Variants in NDUFA10 observed in about 807,000 individuals in gnomAD.
NDUFA10 encodes the protein NADH dehydrogenase [ubiquinone] 1 alpha subcomplex subunit 10, mitochondrial.
A neutral mutation model predicts 47.8 loss-of-function variants in NDUFA10; 40 were observed. That is an observed-to-expected ratio of 0.84 (90% CI 0.65 to 1.09). The LOEUF (loss-of-function observed/expected upper bound fraction) is 1.09. NDUFA10 is among the 50% of genes least tolerant of loss of function. NDUFA10 has a pLI of 0.00. For missense variants in NDUFA10, 413 were observed against 451.1 expected, an observed-to-expected ratio of 0.92 and a Z score of 0.76; for synonymous variants, 183 against 172.2, an observed-to-expected ratio of 1.06 and a Z score of -0.49.
At chr2:240,025,040 T>C (rs948172153) in intron 1 of NDUFA10, among the ~76,000 whole-genome samples, 187 bp downstream of exon 1, 4 of 152,198 alleles carry the variant, frequency 2.6e-5, no homozygotes, top group African/African-American at 9.6e-5. Flanking sequence ...GAGAAGCTCG[T>C]GGCCCCCTGA....
At position 239,898,983 on chromosome 2, in the gene NDUFA10, A is replaced by G. The variant is rs1243328574; in HGVS notation, c.295-3669T>C. ...TGGCAGGGTGTGATGAAGAGGTATG[A>G]TGGAGAGGTGTGATGGAGAGGTGTG... On this transcript the variant is annotated intron_variant, in intron 4 of 5. Coordinates refer to the NDUFA10 transcript ENST00000419408. Among the ~76,000 whole-genome samples the G allele has an allele frequency of 7.7e-5, 7 of 90,508 alleles. No individual in the cohort carries two copies. The East Asian group carries it at 2.5e-3, about 33-fold the overall frequency. The allele number at this position is 90,508 out of a possible 152,430, so 59.4% of individuals were successfully genotyped here. A position where few individuals can be genotyped will look rare whatever the true frequency, so the allele number is the denominator to read the frequency against.
intron 9 of NDUFA10, among the ~76,000 whole-genome samples, chr2:239,981,543 C>T (rs1019351200): frequency 1.3e-5 from 2 of 152,124 alleles, no homozygotes; most frequent in African/African-American, 4.8e-5. Flanking sequence ...TACAAAAACA[C>T]TAAAGTCAGA....
intron 9 of NDUFA10, among the ~76,000 whole-genome samples, chr2:239,965,052 T>C (rs1360575190): frequency 2.0e-5 from 3 of 152,188 alleles, no homozygotes; most frequent in African/African-American, 7.2e-5. Flanking sequence ...TTCACAGCAG[T>C]ACTGACAGAG....
intron 1 of NDUFA10, 116 bp downstream of exon 1, chr2:240,025,111 C>A: frequency 9.0e-7 from 1 of 1,107,978 alleles, no homozygotes; most frequent in Non-Finnish European, 1.2e-6. Context: ...CCAAACCCAC[C>A]CGGAGAGCGA....
intron 9 of NDUFA10, chr2:239,982,184 A>G (rs748264291): frequency 1.2e-6 from 2 of 1,612,774 alleles, no homozygotes; most frequent in Admixed American, 3.3e-5. Flanking sequence ...CCTCTCTTGT[A>G]CTCTGCACAG....
chr2:239,983,414 G>T (rs1295471486), intron 9 of NDUFA10: 1 of 1,451,990 alleles, frequency 6.9e-7, no homozygotes, highest in Non-Finnish European at 9.2e-7. Flanking sequence ...TCCAGAAATG[G>T]TCATTATTAT....
At chr2:239,981,856 C>A (rs1168528135) in intron 9 of NDUFA10, among the ~76,000 whole-genome samples, 2 of 151,694 alleles carry the variant, frequency 1.3e-5, no homozygotes, top group Non-Finnish European at 2.9e-5. Context: ...TATAGAAATT[C>A]TCATGTTAAT....
At chr2:239,940,834 G>A (rs115577013) in intron 4 of NDUFA10, among the ~76,000 whole-genome samples, 5,739 of 152,272 alleles carry the variant, frequency 0.038, 362 homozygotes, top group African/African-American at 0.13. Flanking sequence ...GAACATTCCC[G>A]TCTATATGAA....
In NDUFA10 at chr2:240,014,843, C is replaced by A. The variant is rs1559397087; in HGVS notation, c.565G>T (p.Glu189Ter). The A allele has an allele frequency of 6.2e-7, 1 of 1,614,098 alleles. No individual in the cohort carries two copies. The change falls in exon 5 of 10, where the codon GAG (glutamate) becomes TAG (stop). Residue 189 changes from glutamate to a stop codon, truncating the protein, a stop_gained. Coordinates refer to ENST00000252711, the MANE Select transcript of NDUFA10 (RefSeq NM_004544.4). LOFTEE classifies it high-confidence loss of function. ...IRKQCVDHYN[E>*]VKSVTICDYL... ...TCGCAGATGGTGACGCTCTTCACCT[C>A]GTTGTAGTGGTCCACACCTGGCACA...
chr2:240,002,925 T>C (rs7568089), intron 8 of NDUFA10, among the ~76,000 whole-genome samples: 17,980 of 152,114 alleles, frequency 0.12, 1,250 homozygotes, highest in South Asian at 0.16. Context: ...ACACAGCTCA[T>C]TGCAGCCTCA....
In NDUFA10 at chr2:240,014,796, C is replaced by G; in HGVS notation, c.612G>C (p.Val204=). The change falls in exon 5 of 10, where the codon GTG becomes GTC. Residue 204 remains valine (V), a synonymous_variant. Coordinates refer to ENST00000252711, the MANE Select transcript of NDUFA10 (RefSeq NM_004544.4). ...CTGGAACGGGCACATCGATGTAAAT[C>G]ACCAGGTGGGGGGGCAGGTAATCGC... The part of the protein sequence containing the change: ...TICDYLPPHL[V]IYIDVPVPEV... 2 of 1,614,198 alleles carry G rather than the reference C, an allele frequency of 1.2e-6. No individual in the cohort carries two copies. The highest frequency in any genetic ancestry group is 1.7e-6 in the Non-Finnish European group (2 of 1,180,030).
chr2:240,010,907 G>C (rs766281804), intron 6 of NDUFA10, among the ~76,000 whole-genome samples: 1 of 152,150 alleles, frequency 6.6e-6, no homozygotes, highest in Non-Finnish European at 1.5e-5. Context: ...ACAAGAACAT[G>C]AGATTTTTAG....
chr2:239,942,033 T>G (rs1694368314), intron 4 of NDUFA10, among the ~76,000 whole-genome samples: 1 of 152,262 alleles, frequency 6.6e-6, no homozygotes, highest in Non-Finnish European at 1.5e-5. Context: ...GGATTCTGCA[T>G]ATTGAAAGAT....
intron 4 of NDUFA10, among the ~76,000 whole-genome samples, chr2:239,922,288 A>C (rs1694002715): frequency 6.6e-6 from 1 of 152,194 alleles, no homozygotes; most frequent in East Asian, 1.9e-4. Context: ...TCAGCTGGCC[A>C]ACCCCACAGT....
At chr2:239,955,560 C>T (rs556654942), downstream of NDUFA10, among the ~76,000 whole-genome samples, 31 of 152,240 alleles carry the variant, frequency 2.0e-4, no homozygotes, top group Non-Finnish European at 3.7e-4. Flanking sequence ...GCCCAGGACA[C>T]GGGGGTTGGC....
chr2:239,999,810 C>G (rs908028962), intron 8 of NDUFA10, among the ~76,000 whole-genome samples: 1 of 152,238 alleles, frequency 6.6e-6, no homozygotes, highest in Non-Finnish European at 1.5e-5. Flanking sequence ...ACAACAGAGC[C>G]TTCCCGTGGC....
At chr2:240,017,820 T>C in intron 4 of NDUFA10, 1 of 1,558,574 alleles carries the variant, frequency 6.4e-7, no homozygotes, top group Non-Finnish European at 8.7e-7. Context: ...GTCACCTGGC[T>C]TGCTTCGGCC....
At chr2:240,006,284 A>C (rs1696946191) in intron 7 of NDUFA10, among the ~76,000 whole-genome samples, 1 of 152,248 alleles carries the variant, frequency 6.6e-6, no homozygotes, top group Non-Finnish European at 1.5e-5. Flanking sequence ...AATGAAATGT[A>C]ATTTAATCAG....
chr2:239,935,741 G>T (rs111679215), intron 4 of NDUFA10, among the ~76,000 whole-genome samples: 1 of 152,136 alleles, frequency 6.6e-6, no homozygotes, highest in South Asian at 2.1e-4. Flanking sequence ...AGATCTGATG[G>T]TTTTATAGGG....
Sources: gnomAD v4.1 joint callset for allele counts (sites outside exome capture counted in the v4.1 genomes callset) on GRCh38, gnomAD v4.1.1 for gene constraint, MANE v1.5 for transcripts, NCBI Gene and HGNC (gene_info 2026-07-23, HGNC 2026-07-21) for gene names.